The following ZZEF1 variants were observed in gnomAD, a reference collection of about 807,000 sequenced individuals.
ZZEF1 encodes zinc finger ZZ-type and EF-hand domain containing 1, also known as zinc finger ZZ-type and EF-hand domain-containing protein 1.
A neutral mutation model predicts 342.8 loss-of-function variants in ZZEF1; 157 were observed. The ratio of observed to expected loss-of-function variants is 0.46; its 90% CI spans 0.40 to 0.52. The LOEUF (loss-of-function observed/expected upper bound fraction) is 0.52, where lower values mean the gene tolerates loss of function less well. Among genes scored for constraint, ZZEF1 ranks in the 20% least tolerant of loss-of-function variants. The pLI is 0.00. For synonymous variants in ZZEF1, 1,505 were observed against 1,429.1 expected, an observed-to-expected ratio of 1.05 and a Z score of -1.20; for missense variants, 3,480 against 3,725.6, an observed-to-expected ratio of 0.93 and a Z score of 1.72.
intron 37 of ZZEF1, among the ~76,000 whole-genome samples, chr17:4,047,097 C>T (rs930357057): frequency 1.3e-5 from 2 of 152,152 alleles, no homozygotes; most frequent in African/African-American, 4.8e-5. Flanking sequence ...ACCCTGGGCG[C>T]ACCCGGCTGC....
intron 2 of ZZEF1, among the ~76,000 whole-genome samples, chr17:4,117,559 A>G (rs1287109870): frequency 6.8e-6 from 1 of 147,784 alleles, no homozygotes; most frequent in Non-Finnish European, 1.5e-5. Flanking sequence ...GAGACAGGAG[A>G]ATCGCTTGAA....
chr17:4,034,869 G>A (rs1419914800), intron 39 of ZZEF1, among the ~76,000 whole-genome samples: 11 of 152,052 alleles, frequency 7.2e-5, no homozygotes, highest in African/African-American at 2.7e-4. Flanking sequence ...ATAGTGGTAC[G>A]TGCCTGTAGT....
intron 15 of ZZEF1, among the ~76,000 whole-genome samples, 171 bp downstream of exon 15, chr17:4,086,315 G>GCAATCCCTTTCTGGGGGATTCCCACAGCA (rs2057821314): frequency 1.4e-5 from 2 of 140,696 alleles, no homozygotes; most frequent in African/African-American, 2.8e-5. Context: ...TTCCCACAGC[G>GCAATCCCTTTCTGGGGGATTCCCACAGCA]GCAATCCCTT....
chr17:4,088,583 G>A (rs1281944780), intron 13 of ZZEF1, 95 bp downstream of exon 13: 13 of 1,360,882 alleles, frequency 9.6e-6, no homozygotes, highest in South Asian at 1.3e-5. Flanking sequence ...ATTGGCTTCC[G>A]CAGGGGCAGG....
rs75317749 is a variant in ZZEF1, at chr17:4,079,236, G to A, written c.2830-1194C>T. Among the ~76,000 whole-genome samples, 1,311 of 152,258 alleles carry A rather than the reference G, an allele frequency of 8.6e-3. 16 individuals carry two copies. The highest frequency in any genetic ancestry group is 0.03 in the African/African-American group (1,250 of 41,548). ...TAGCACCTACCCACTCCTCACGTGCGGGGCAGAATCGACTCCTATGAGAAC... is the reference window on the plus strand; with the variant it reads ...TAGCACCTACCCACTCCTCACGTGCAGGGCAGAATCGACTCCTATGAGAAC... On this transcript the variant is annotated intron_variant, in intron 18 of 54. Coordinates refer to ENST00000381638, the MANE Select transcript of ZZEF1 (RefSeq NM_015113.4).
In ZZEF1 at chr17:4,006,727, C is replaced by T; in HGVS notation, c.*163G>A. On this transcript the variant is annotated 3_prime_UTR_variant, in exon 55 of 55. Coordinates refer to ENST00000381638, the MANE Select transcript of ZZEF1 (RefSeq NM_015113.4). ...AGCCTGTGCTTGTGTCCAGCCTACG[C>T]ACGGGAGCTCTTGGAGACGTGGCTG... 1 of 723,688 alleles carries T rather than the reference C, an allele frequency of 1.4e-6. No homozygotes were observed. The highest frequency in any genetic ancestry group is 2.5e-6 in the Non-Finnish European group (1 of 407,126). The allele number at this position is 723,688 out of a possible 1,614,324, so 44.8% of individuals were successfully genotyped here.
chr17:4,038,766 A>C (rs2056732527), intron 39 of ZZEF1, among the ~76,000 whole-genome samples: 1 of 152,140 alleles, frequency 6.6e-6, no homozygotes, highest in African/African-American at 2.4e-5. Context: ...AGATTGCTCC[A>C]CTGCACTCCA....
chr17:4,132,936 A>C (rs189040733), intron 1 of ZZEF1, among the ~76,000 whole-genome samples: 1 of 152,196 alleles, frequency 6.6e-6, no homozygotes, highest in East Asian at 1.9e-4. Context: ...ACTGCAGTCC[A>C]GCCTGGGCGA....
intron 1 of ZZEF1, among the ~76,000 whole-genome samples, chr17:4,130,551 C>A (rs960525495): frequency 6.6e-6 from 1 of 151,832 alleles, no homozygotes; most frequent in Non-Finnish European, 1.5e-5. Context: ...GTGAAGAGAC[C>A]GAAGTGCCCA....
rs746443756 is a variant in ZZEF1, at chr17:4,032,849, G to C, written c.6738C>G (p.Leu2246=). The change falls in exon 41 of 55, where the codon CTC becomes CTG. Residue 2246 remains leucine, a synonymous_variant. Coordinates refer to ENST00000381638, the MANE Select transcript of ZZEF1 (RefSeq NM_015113.4). Reference sequence around the variant, plus strand: ...GTACCTGGGGGAAGCCAACCAGCACGAGCAGGGTGAAGATGTTGGTGTGCT... The same window carrying C: ...GTACCTGGGGGAAGCCAACCAGCACCAGCAGGGTGAAGATGTTGGTGTGCT... ...QLKHTNIFTL[L]VLVGFPQVLC... is the part of the protein sequence containing the mutation. The C allele has an allele frequency of 5.6e-6, 9 of 1,614,054 alleles. No homozygotes were observed. The highest frequency in any genetic ancestry group is 4.4e-5 in the South Asian group (4 of 91,078).
At chr17:4,061,717 T>C (rs143180413) in intron 30 of ZZEF1, among the ~76,000 whole-genome samples, 10 of 152,270 alleles carry the variant, frequency 6.6e-5, no homozygotes, top group East Asian at 1.9e-4. Context: ...CCATGATTCC[T>C]TTCCTTCATT....
intron 1 of ZZEF1, among the ~76,000 whole-genome samples, chr17:4,137,408 A>T (rs2058767530): frequency 6.6e-6 from 1 of 152,210 alleles, no homozygotes; most frequent in Non-Finnish European, 1.5e-5. Context: ...CAGGAGATCG[A>T]GACCATCCTG....
At chr17:4,010,622 G>A (rs1450462576) in intron 52 of ZZEF1, among the ~76,000 whole-genome samples, 1 of 149,574 alleles carries the variant, frequency 6.7e-6, no homozygotes, top group Non-Finnish European at 1.5e-5. Context: ...CTACTAGGGA[G>A]GCTGAGGCAG....
At chr17:4,137,179 T>A (rs1289537318) in intron 1 of ZZEF1, among the ~76,000 whole-genome samples, 2 of 152,078 alleles carry the variant, frequency 1.3e-5, no homozygotes. Context: ...CATGGTGAGG[T>A]GGTATTTTGG....
chr17:4,092,893 G>C (rs1245386698), intron 11 of ZZEF1, among the ~76,000 whole-genome samples: 1 of 151,856 alleles, frequency 6.6e-6, no homozygotes, highest in Non-Finnish European at 1.5e-5. Context: ...CTCTGACGTA[G>C]GCACAGCACC....
intron 33 of ZZEF1, among the ~76,000 whole-genome samples, chr17:4,055,997 G>A (rs919645767): frequency 3.3e-5 from 5 of 152,170 alleles, no homozygotes; most frequent in African/African-American, 7.2e-5. Flanking sequence ...ATCCAATGCC[G>A]CAGCTGATCG....
At chr17:4,065,765 TAAC>T (rs555451055) in intron 28 of ZZEF1, among the ~76,000 whole-genome samples, 172 of 152,272 alleles carry the variant, frequency 1.1e-3, no homozygotes, top group Non-Finnish European at 2.0e-3. Flanking sequence ...TTTTAAAAAA[TAAC>T]AACCATAATA....
At chr17:4,089,045 TC>T in intron 12 of ZZEF1, 152 bp from the exon 13 acceptor site, 1 of 664,958 alleles carries the variant, frequency 1.5e-6, no homozygotes, top group East Asian at 2.7e-5. Context: ...AAAATATAAG[TC>T]CAGCATTTAC....
Position 4,019,753 on chromosome 17 carries a change from A to C in ZZEF1, c.7421T>G (p.Leu2474Arg). 3.1e-6 allele frequency: 5 copies of C among 1,610,708 alleles called. No individual in the cohort carries two copies. Among genetic ancestry groups the C allele is most frequent in the Non-Finnish European group, 4.2e-6 (5 of 1,179,112 alleles). ...CCGGAGAATGTGCAGAGGGGCATTGAGGGCATCATGAGCCATCTGGAGGCC... is the reference window on the plus strand; with the variant it reads ...CCGGAGAATGTGCAGAGGGGCATTGCGGGCATCATGAGCCATCTGGAGGCC... ...RICFLMAHDA[L>R]NAPLHILRAI... is the part of the protein sequence containing the mutation. Residue 2474 changes from leucine (L) to arginine (R), a missense_variant, in exon 46 of 55, where the codon CTC (leucine) becomes CGC (arginine). This residue lies in a region of ZZEF1 where 1,269 missense variants were observed against 1,342.4 expected (regional missense o/e 0.95). Transcript: ENST00000381638.
Sources: gnomAD v4.1 joint callset for allele counts (sites outside exome capture counted in the v4.1 genomes callset) on GRCh38, gnomAD v4.1.1 for gene constraint, gnomAD v4.1.1 regional missense constraint, MANE v1.5 for transcripts, NCBI Gene and HGNC (gene_info 2026-07-23, HGNC 2026-07-21) for gene names.